WDR49: variants seen among roughly 807,000 people sequenced by gnomAD.
WDR49 encodes cilia- and flagella-associated protein 337.
WDR49 carries 107 observed loss-of-function variants against 119.5 expected under a neutral mutation model. The ratio of observed to expected loss-of-function variants is 0.90; its 90% CI spans 0.77 to 1.05. WDR49 has a LOEUF of 1.05. WDR49 is among the 50% of genes least tolerant of loss of function. WDR49 has a pLI of 0.00. For synonymous variants in WDR49, 425 were observed against 418.8 expected, an observed-to-expected ratio of 1.01 and a Z score of -0.18; for missense variants, 1,240 against 1,220.5, an observed-to-expected ratio of 1.02 and a Z score of -0.24.
At chr3:167,559,218 C>T (rs879355062) in intron 9 of WDR49, among the ~76,000 whole-genome samples, 3 of 152,206 alleles carry the variant, frequency 2.0e-5, no homozygotes, top group Admixed American at 6.5e-5. Context: ...CTCTCCCCTA[C>T]AGCTTAACTG....
chr3:167,534,986 A>T (rs111565935), intron 11 of WDR49, among the ~76,000 whole-genome samples: 3 of 152,194 alleles, frequency 2.0e-5, no homozygotes, highest in African/African-American at 7.2e-5. Flanking sequence ...TACAAATAAA[A>T]GCTAATATTT....
At chr3:167,609,741 C>T (rs566268951) in intron 5 of WDR49, among the ~76,000 whole-genome samples, 70 of 152,320 alleles carry the variant, frequency 4.6e-4, no homozygotes, top group African/African-American at 1.7e-3. Flanking sequence ...GCATCACCCT[C>T]CTCTAACCCC....
chr3:167,512,788 C>T (rs1752031333), intron 16 of WDR49, among the ~76,000 whole-genome samples: 1 of 152,148 alleles, frequency 6.6e-6, no homozygotes, highest in Non-Finnish European at 1.5e-5. Flanking sequence ...AGCTGAAAAA[C>T]ACAAGAGAAC....
chr3:167,490,118 C>G (rs1751074267), intron 18 of WDR49, among the ~76,000 whole-genome samples: 1 of 152,062 alleles, frequency 6.6e-6, no homozygotes, highest in African/African-American at 2.4e-5. Context: ...TTTCAGCCAC[C>G]ATCCAGTAAC....
intron 9 of WDR49, among the ~76,000 whole-genome samples, chr3:167,556,670 G>C (rs1003928212): frequency 7.2e-5 from 11 of 152,096 alleles, no homozygotes; most frequent in African/African-American, 2.7e-4. Flanking sequence ...CAGATCACTT[G>C]AGGTCAGGAG....
In WDR49 at chr3:167,602,156, T is replaced by C. The variant is rs1715804474; in HGVS notation, c.1246A>G (p.Lys416Glu). The change falls in exon 7 of 19, where the codon AAA becomes GAA. Residue 416 changes from lysine to glutamate, a missense_variant. Transcript: ENST00000682715. ...VIAVQFFVER[K>E]QLFSFSKDKV... is the part of the protein sequence containing the mutation. The stretch of plus-strand genomic sequence containing the variant: ...TCCTTGGAGAAGCTGAAAAGTTGTT[T>C]TCTTTCCACAAAGAATTGGACGGCT... 6.3e-7 allele frequency: 1 copy of C among 1,599,512 alleles called. No individual in the cohort carries two copies. Among genetic ancestry groups the C allele is most frequent in the Admixed American group, 1.7e-5 (1 of 59,858 alleles).
At chr3:167,633,012 G>C (rs189442730) in intron 2 of WDR49, among the ~76,000 whole-genome samples, 3 of 152,090 alleles carry the variant, frequency 2.0e-5, no homozygotes, top group Admixed American at 2.0e-4. Flanking sequence ...CTTTGCTGAA[G>C]GGTTTAGAGA....
Position 167,478,850 on chromosome 3 carries a change from T to C in WDR49, c.*28A>G, listed in dbSNP as rs769412412. The stretch of plus-strand genomic sequence containing the variant: ...TTCTGCATTTTATATCTGTACCTTA[T>C]GTAACAGTGAAGGTTTTTCTGTTGT... On this transcript the variant is annotated 3_prime_UTR_variant, in exon 19 of 19. Coordinates refer to ENST00000682715, the MANE Select transcript of WDR49 (RefSeq NM_001366157.1). 3.5e-6 allele frequency: 5 copies of C among 1,442,928 alleles called. No homozygotes were observed. Among genetic ancestry groups the C allele is most frequent in the Non-Finnish European group, 4.8e-6 (5 of 1,040,914 alleles). The allele number at this position is 1,442,928 out of a possible 1,614,324, so 89.4% of individuals were successfully genotyped here.
At chr3:167,623,742 A>G (rs1355898519) in intron 3 of WDR49, among the ~76,000 whole-genome samples, 1 of 152,056 alleles carries the variant, frequency 6.6e-6, no homozygotes, top group Non-Finnish European at 1.5e-5. Context: ...TATCAATATT[A>G]AAAAGGAGGA....
intron 5 of WDR49, among the ~76,000 whole-genome samples, chr3:167,605,593 T>C (rs1000578721): frequency 1.3e-5 from 2 of 152,156 alleles, no homozygotes; most frequent in Non-Finnish European, 2.9e-5. Flanking sequence ...CATAAAGTGA[T>C]AAATTGAATG....
chr3:167,514,626 CAG>C (rs1752122498), intron 16 of WDR49, among the ~76,000 whole-genome samples: 1 of 98,422 alleles, frequency 1.0e-5, no homozygotes, highest in Non-Finnish European at 2.1e-5. Context: ...GAAGGAGATG[CAG>C]ACACACACAC....
chr3:167,638,668 G>GAAC (rs1239610289), intron 2 of WDR49, among the ~76,000 whole-genome samples: 1 of 151,574 alleles, frequency 6.6e-6, no homozygotes, highest in African/African-American at 2.4e-5. Flanking sequence ...ATGAGAAAGT[G>GAAC]AACAACAGAA....
chr3:167,508,599 C>G (rs1348046657), intron 16 of WDR49, among the ~76,000 whole-genome samples: 3 of 152,116 alleles, frequency 2.0e-5, no homozygotes, highest in Non-Finnish European at 2.9e-5. Flanking sequence ...CTAACACCCC[C>G]CTACAGCAAG....
At chr3:167,484,993 C>T (rs1434893849) in intron 18 of WDR49, among the ~76,000 whole-genome samples, 1 of 152,098 alleles carries the variant, frequency 6.6e-6, no homozygotes, top group Non-Finnish European at 1.5e-5. Context: ...CACATTTACA[C>T]CATGGAATAC....
At chr3:167,534,804 A>G (rs2108245932) in intron 11 of WDR49, among the ~76,000 whole-genome samples, 1 of 152,300 alleles carries the variant, frequency 6.6e-6, no homozygotes, top group East Asian at 1.9e-4. Flanking sequence ...ATGCCTATGA[A>G]TCATTTTAAG....
intron 12 of WDR49, among the ~76,000 whole-genome samples, chr3:167,532,208 A>G (rs1752873805): frequency 6.6e-6 from 1 of 152,176 alleles, no homozygotes; most frequent in African/African-American, 2.4e-5. Flanking sequence ...TTCAGCCTCT[A>G]TGAGTTTATT....
chr3:167,593,911 C>T (rs751057288), intron 7 of WDR49, among the ~76,000 whole-genome samples: 19 of 152,176 alleles, frequency 1.2e-4, no homozygotes, highest in South Asian at 2.1e-4. Context: ...TAAAAGTGTG[C>T]GGTGGTTCCC....
intron 7 of WDR49, among the ~76,000 whole-genome samples, chr3:167,592,948 T>C (rs1467288750): frequency 6.6e-6 from 1 of 152,196 alleles, no homozygotes; most frequent in Non-Finnish European, 1.5e-5. Flanking sequence ...CTGTAAGATT[T>C]CCCTGAAAAT....
chr3:167,484,773 G>A (rs1750858862), intron 18 of WDR49, among the ~76,000 whole-genome samples: 1 of 151,260 alleles, frequency 6.6e-6, no homozygotes, highest in African/African-American at 2.4e-5. Context: ...GGCTGGAGAT[G>A]GTGGAATACC....
Sources: allele counts gnomAD v4.1 joint callset (sites outside exome capture counted in the v4.1 genomes callset), GRCh38; gene constraint gnomAD v4.1.1; transcripts MANE v1.5; gene names NCBI Gene and HGNC (gene_info 2026-07-23, HGNC 2026-07-21).